The following PBX3 variants were observed in gnomAD, a reference collection of about 807,000 sequenced individuals.
PBX3 encodes the protein pre-B-cell leukemia transcription factor 3.
In PBX3, 14 loss-of-function variants were observed where a neutral mutation model predicts 48.5. The observed-to-expected ratio is 0.29, with a 90% CI of 0.19 to 0.45. The LOEUF is 0.45. Ranked by LOEUF, PBX3 falls within the 20% of genes least tolerant of loss-of-function variation. The pLI is 1.00. For synonymous variants in PBX3, 210 were observed against 200.3 expected (o/e 1.05, Z -0.41); for missense variants, 386 against 546.7 (o/e 0.71, Z 2.93).
chr9:125,943,143 G>A (rs757264181), intron 5 of PBX3, among the ~76,000 whole-genome samples: 2 of 151,876 alleles, frequency 1.3e-5, no homozygotes, highest in Non-Finnish European at 2.9e-5. Flanking sequence ...GAGGCGGGTG[G>A]ATCGCCTGAG....
intron 2 of PBX3, among the ~76,000 whole-genome samples, chr9:125,911,300 A>G (rs1841198206): frequency 6.6e-6 from 1 of 152,046 alleles, no homozygotes; most frequent in Non-Finnish European, 1.5e-5. Context: ...GTTTGGGGAG[A>G]AAAGTAGCAA....
rs567279204 is a variant in PBX3 at position 125,874,479 on chromosome 9, A to G, written c.275-41207A>G. ...GTCCAGCAATGCATAGACATATAAT[A>G]TGGTTCAGCTTATGTCATTAATGTA... On this transcript the variant is annotated intron_variant, in intron 2 of 8. Transcript: ENST00000373489. 5.3e-5 allele frequency among the ~76,000 whole-genome samples: 8 copies of G among 152,288 alleles called. No homozygotes were observed. The South Asian group carries it at 6.2e-4, about 12-fold the overall frequency.
At chr9:125,782,899 T>C (rs181989926) in intron 2 of PBX3, among the ~76,000 whole-genome samples, 6 of 152,312 alleles carry the variant, frequency 3.9e-5, no homozygotes, top group African/African-American at 7.2e-5. Context: ...TTCACCTTCA[T>C]AGTTTCTGAT....
rs1273490508 is a variant in PBX3 at position 125,867,847 on chromosome 9, CAT to C, written c.275-47837_275-47836del. Among the ~76,000 whole-genome samples the C allele has an allele frequency of 3.3e-5, 5 of 151,444 alleles. 1 individual carries two copies. The highest frequency in any genetic ancestry group is 1.3e-4 in the Admixed American group (2 of 15,172). On this transcript the variant is annotated intron_variant, in intron 2 of 8. Coordinates refer to ENST00000373489, the MANE Select transcript of PBX3 (RefSeq NM_006195.6). Reference sequence around the variant, plus strand: ...ATACATATATATATACACACACACACATACATATATTTGTTTTGTTTTGCTTT... The same window carrying C: ...ATACATATATATATACACACACACACACATATATTTGTTTTGTTTTGCTTT...
chr9:125,912,877 A>C (rs1347724290), intron 2 of PBX3, among the ~76,000 whole-genome samples: 1 of 152,160 alleles, frequency 6.6e-6, no homozygotes, highest in Non-Finnish European at 1.5e-5. Context: ...AGGTGCCCAG[A>C]GGAGTAGGTA....
chr9:125,826,711 T>A (rs1838817991), intron 2 of PBX3, among the ~76,000 whole-genome samples: 1 of 152,148 alleles, frequency 6.6e-6, no homozygotes, highest in South Asian at 2.1e-4. Context: ...GAAGAGTGGA[T>A]TGCTCTGACC....
At chr9:125,893,400 C>T (rs1840697188) in intron 2 of PBX3, among the ~76,000 whole-genome samples, 1 of 152,140 alleles carries the variant, frequency 6.6e-6, no homozygotes, top group African/African-American at 2.4e-5. Flanking sequence ...TTGAGTTGCT[C>T]AACAGGTGAT....
intron 5 of PBX3, chr9:125,949,325 A>G: frequency 6.5e-7 from 1 of 1,549,610 alleles, no homozygotes; most frequent in Non-Finnish European, 8.7e-7. Context: ...AGGAATGTTC[A>G]TTAAATGCCA....
At chr9:125,858,769 G>C (rs1249586405) in intron 2 of PBX3, among the ~76,000 whole-genome samples, 3 of 151,924 alleles carry the variant, frequency 2.0e-5, no homozygotes, top group Admixed American at 2.0e-4. Flanking sequence ...GAGATTACAG[G>C]CACCTGCCAC....
chr9:125,794,762 T>TCCCA (rs1837727878), intron 2 of PBX3, among the ~76,000 whole-genome samples: 1 of 146,664 alleles, frequency 6.8e-6, no homozygotes, highest in African/African-American at 2.5e-5. Context: ...AGAGTCCTCC[T>TCCCA]CCCACCCACC....
intron 2 of PBX3, among the ~76,000 whole-genome samples, chr9:125,866,513 C>T (rs1481833996): frequency 6.6e-6 from 1 of 152,078 alleles, no homozygotes; most frequent in Non-Finnish European, 1.5e-5. Flanking sequence ...CATTATAGAA[C>T]AGGTTAAAAA....
chr9:125,956,558 C>G (rs189277091), intron 5 of PBX3, among the ~76,000 whole-genome samples: 8 of 152,292 alleles, frequency 5.3e-5, no homozygotes, highest in Admixed American at 5.2e-4. Flanking sequence ...CAGAAAAGTT[C>G]CAGAAAATCA....
At chr9:125,938,534 A>C (rs1017719696) in intron 5 of PBX3, among the ~76,000 whole-genome samples, 2 of 152,220 alleles carry the variant, frequency 1.3e-5, no homozygotes, top group East Asian at 3.8e-4. Flanking sequence ...ATTGGAATCA[A>C]CATCACCAAG....
At chr9:125,793,599 T>C (rs1837687790) in intron 2 of PBX3, among the ~76,000 whole-genome samples, 1 of 151,508 alleles carries the variant, frequency 6.6e-6, no homozygotes, top group African/African-American at 2.4e-5. Context: ...GCAGCTAATT[T>C]TCATACTTTT....
intron 2 of PBX3, among the ~76,000 whole-genome samples, chr9:125,824,760 A>G (rs1391279740): frequency 2.0e-5 from 3 of 152,120 alleles, no homozygotes; most frequent in Non-Finnish European, 4.4e-5. Flanking sequence ...GGGGACAACA[A>G]AGTCTCCAGA....
chr9:125,955,412 C>T (rs1842284190), intron 5 of PBX3, among the ~76,000 whole-genome samples: 1 of 152,158 alleles, frequency 6.6e-6, no homozygotes, highest in South Asian at 2.1e-4. Context: ...GCTACCTTTC[C>T]TCTCCTTTTT....
chr9:125,929,779 A>G lies in PBX3; in HGVS notation c.641A>G (p.Gln214Arg). The G allele has an allele frequency of 6.2e-7, 1 of 1,614,034 alleles. No individual in the cohort carries two copies. The highest frequency in any genetic ancestry group is 8.5e-7 in the Non-Finnish European group (1 of 1,179,908). ...GIIHRKFSSI[Q>R]MQLKQSTCEA... is the part of the protein sequence containing the mutation. ...ATCCATCGAAAATTTAGTTCCATTC[A>G]GATGCAGCTCAAACAAAGCACTTGT... The change falls in exon 4 of 9, where the codon CAG becomes CGG. Residue 214 changes from glutamine to arginine, a missense_variant. By Grantham distance (43) the Gln-to-Arg change is conservative. Around this residue, in one of 4 missense-constraint regions of PBX3, gnomAD observed 74 missense variants for 206.1 expected, o/e 0.36. Transcript: ENST00000373489.
At chr9:125,900,600 G>A (rs749563065) in intron 2 of PBX3, among the ~76,000 whole-genome samples, 10 of 151,728 alleles carry the variant, frequency 6.6e-5, no homozygotes, top group Non-Finnish European at 1.2e-4. Context: ...CTCATTCACA[G>A]TGTAGCCTCT....
At chr9:125,752,185 A>G (rs995374865) in intron 2 of PBX3, among the ~76,000 whole-genome samples, 1 of 152,116 alleles carries the variant, frequency 6.6e-6, no homozygotes, top group Non-Finnish European at 1.5e-5. Flanking sequence ...ATTTACTAGT[A>G]ATGTCTAATG....
Sources: gnomAD v4.1 joint callset for allele counts (sites outside exome capture counted in the v4.1 genomes callset) on GRCh38, gnomAD v4.1.1 for gene constraint, gnomAD v4.1.1 regional missense constraint, MANE v1.5 for transcripts, NCBI Gene and HGNC (gene_info 2026-07-23, HGNC 2026-07-21) for gene names.